The following ADGRL1 variants were observed in gnomAD, a reference collection of about 807,000 sequenced individuals.
The protein encoded by ADGRL1 is adhesion G protein-coupled receptor L1.
In ADGRL1, 31 loss-of-function variants were observed where a neutral mutation model predicts 148.9. That is an observed-to-expected ratio of 0.21 (90% CI 0.16 to 0.28). The LOEUF is 0.28. Ranked by LOEUF, ADGRL1 falls within the 10% of genes least tolerant of loss-of-function variation. ADGRL1 has a pLI of 1.00. For missense variants in ADGRL1, 1,521 were observed against 2,058.8 expected (o/e 0.74, Z 5.05); for synonymous variants, 937 against 900.3 (o/e 1.04, Z -0.73).
Position 14,162,855 on chromosome 19 carries a change from C to A in ADGRL1, c.946G>T (p.Val316Leu). The change falls in exon 5 of 23, where the codon GTG (valine) becomes TTG (leucine). Residue 316 changes from valine to leucine, a missense_variant. By Grantham distance (32) the Val-to-Leu change is conservative. This residue lies in a region of ADGRL1 where 334 missense variants were observed against 512.5 expected (regional missense o/e 0.65). Coordinates refer to ENST00000361434, the MANE Select transcript of ADGRL1 (RefSeq NM_014921.5). This position sits in a 1 kb window ranked among gnomAD's most constrained non-coding sequence, Gnocchi z 5.4. ...CGCAGGACGTACAGGACCCCACACA[C>A]CATGAAGGCGTTGGATGCCGAGCGC... ...DKRSASNAFM[V>L]CGVLYVLRSV... 1 of 1,614,102 alleles carries A rather than the reference C, an allele frequency of 6.2e-7. No individual in the cohort carries two copies. The highest frequency in any genetic ancestry group is 8.5e-7 in the Non-Finnish European group (1 of 1,180,008).
intron 1 of ADGRL1, among the ~76,000 whole-genome samples, chr19:14,195,124 A>G (rs1972177515): frequency 6.6e-6 from 1 of 151,768 alleles, no homozygotes; most frequent in African/African-American, 2.4e-5. Context: ...GGCTCAAGCG[A>G]TCCTCCCGCC....
At chr19:14,153,396 T>C (rs1220579041) in intron 18 of ADGRL1, among the ~76,000 whole-genome samples, 1 of 149,662 alleles carries the variant, frequency 6.7e-6, no homozygotes, top group Non-Finnish European at 1.5e-5. Context: ...AGTGCTGACT[T>C]GGGAGCAGGT....
At chr19:14,156,565 G>C (rs1174428884) in intron 16 of ADGRL1, 93 bp downstream of exon 16, 5 of 813,184 alleles carry the variant, frequency 6.1e-6, no homozygotes, top group Non-Finnish European at 9.9e-6. Flanking sequence ...GTGTGTGTGT[G>C]TGGGGGGGGT....
At chr19:14,170,872 G>A (rs1970413030) in intron 3 of ADGRL1, 81 bp from the exon 4 acceptor site, 1 of 747,432 alleles carries the variant, frequency 1.3e-6, no homozygotes, top group Admixed American at 2.1e-5. Context: ...CAGGGTCATG[G>A]TGTCATAGAC....
At chr19:14,166,952 A>ATT in intron 4 of ADGRL1, 1 of 1,559,662 alleles carries the variant, frequency 6.4e-7, no homozygotes, top group Middle Eastern at 1.7e-4. Context: ...GGCAGGTCAC[A>ATT]TAAGTATGGT....
At chr19:14,180,463 C>G (rs888835954) in intron 2 of ADGRL1, among the ~76,000 whole-genome samples, 7 of 151,932 alleles carry the variant, frequency 4.6e-5, no homozygotes, top group African/African-American at 1.7e-4. Flanking sequence ...GCCATGTTGG[C>G]CAGGCTGGTC....
At chr19:14,199,179 AC>A (rs1380035726) in intron 1 of ADGRL1, among the ~76,000 whole-genome samples, 2 of 152,190 alleles carry the variant, frequency 1.3e-5, no homozygotes, top group Non-Finnish European at 2.9e-5. Context: ...ACGACAGGAC[AC>A]CCACGTCACT....
At chr19:14,183,324 G>C (rs907087529) in intron 2 of ADGRL1, among the ~76,000 whole-genome samples, 1 of 152,120 alleles carries the variant, frequency 6.6e-6, no homozygotes, top group African/African-American at 2.4e-5. Context: ...CGACTTGTTG[G>C]AGGTAAGAGG....
intron 1 of ADGRL1, among the ~76,000 whole-genome samples, chr19:14,190,498 G>A (rs1027570816): frequency 1.3e-5 from 2 of 151,600 alleles, no homozygotes; most frequent in Admixed American, 6.6e-5. Context: ...CACTCCTGGC[G>A]TCAAGCGATG....
Position 14,156,671 on chromosome 19 carries a change from G to A in ADGRL1, c.3020C>T (p.Ser1007Phe). Residue 1007 changes from serine (S) to phenylalanine (F), a missense_variant, in exon 16 of 23, where the codon TCC becomes TTC. Physicochemically the swap from Ser to Phe is radical, Grantham distance 155 (BLOSUM62 -2). Around this residue, in one of 8 missense-constraint regions of ADGRL1, gnomAD observed 185 missense variants for 251.7 expected, o/e 0.74. Transcript: ENST00000361434. ...CTCCCAACTCACCACGATAACGAAGGAGACTGGCCCGATGAAACTCCAGAT... is the reference window on the plus strand; with the variant it reads ...CTCCCAACTCACCACGATAACGAAGAAGACTGGCCCGATGAAACTCCAGAT... ...YFIWSFIGPV[S>F]FVIVVNLVFL... The A allele has an allele frequency of 6.2e-7, 1 of 1,611,616 alleles. No homozygotes were observed. The highest frequency in any genetic ancestry group is 8.5e-7 in the Non-Finnish European group (1 of 1,179,106).
rs770341186 is a variant in ADGRL1, at chr19:14,163,199, C to A, written c.602G>T (p.Arg201Leu). 6.2e-7 allele frequency: 1 copy of A among 1,614,044 alleles called. No individual in the cohort carries two copies. The highest frequency in any genetic ancestry group is 8.5e-7 in the Non-Finnish European group (1 of 1,180,028). Residue 201 changes from arginine (R) to leucine (L), a missense_variant, in exon 5 of 23, where the codon CGC (arginine) becomes CTC (leucine). Arg to Leu is a moderately radical substitution (Grantham distance 102). This residue lies in a region of ADGRL1 where 334 missense variants were observed against 512.5 expected (regional missense o/e 0.65). Coordinates refer to ENST00000361434, the MANE Select transcript of ADGRL1 (RefSeq NM_014921.5). ...TGTGCCATCCACGCGGTTGGGCAGG[C>A]GGTAGGTGGTGGTGTGGCGGGCGGC... ...YVAARHTTTY[R>L]LPNRVDGTGF...
intron 2 of ADGRL1, 46 bp from the exon 3 acceptor site, chr19:14,177,790 GA>G: frequency 6.4e-7 from 1 of 1,556,028 alleles, no homozygotes. Context: ...CCTGGGCCAG[GA>G]AGGGAAGACC....
rs1200593539 is a variant in ADGRL1, at chr19:14,159,319, T to C, written c.2023+82A>G. On this transcript the variant is annotated intron_variant, in intron 10 of 22. Transcript: ENST00000361434. The surrounding 1 kb of genome is among the most constrained non-coding windows in gnomAD (Gnocchi z 6.0). ...TCTGGCAAGATGCCCAAGGGTCGGA[T>C]AGCCCCCCTGTGGCCTCCAGGCCAG... The C allele has an allele frequency of 7.6e-6, 12 of 1,573,110 alleles. No individual in the cohort carries two copies. The highest frequency in any genetic ancestry group is 2.4e-5 in the South Asian group (2 of 84,946).
At chr19:14,185,484 G>A (rs1394672329) in intron 1 of ADGRL1, among the ~76,000 whole-genome samples, 1 of 152,050 alleles carries the variant, frequency 6.6e-6, no homozygotes, top group Non-Finnish European at 1.5e-5. Flanking sequence ...TATAGAGACA[G>A]GATCTTGCTA....
Position 14,157,008 on chromosome 19 carries a change from G to T in ADGRL1, c.2883C>A (p.Tyr961Ter). The change falls in exon 15 of 23, where the codon TAC becomes TAA. Residue 961 changes from tyrosine to a stop codon, truncating the protein, a stop_gained. Transcript: ENST00000361434. LOFTEE classifies it high-confidence loss of function. The surrounding 1 kb of genome is among the most constrained non-coding windows in gnomAD (Gnocchi z 7.5). Reference protein sequence around the residue: ...FESEYSRTKYYYLGGYCFPAL... With the variant: ...FESEYSRTKY Reference sequence around the variant, plus strand: ...CCGGGAAGCAGTAGCCACCCAGGTAGTAGTACTTGGTGCGGGAATACTCGC... The same window carrying T: ...CCGGGAAGCAGTAGCCACCCAGGTATTAGTACTTGGTGCGGGAATACTCGC... 6.2e-7 allele frequency: 1 copy of T among 1,614,012 alleles called. No individual in the cohort carries two copies. Among genetic ancestry groups the T allele is most frequent in the Non-Finnish European group, 8.5e-7 (1 of 1,179,976 alleles).
chr19:14,157,936 C>G lies in ADGRL1; in HGVS notation c.2481G>C (p.Thr827=), dbSNP rs760053177. 6.2e-7 allele frequency: 1 copy of G among 1,614,214 alleles called. No individual in the cohort carries two copies. Residue 827 remains threonine, a synonymous_variant, in exon 13 of 23, where the codon ACG becomes ACC. Transcript: ENST00000361434. This position sits in a 1 kb window ranked among gnomAD's most constrained non-coding sequence, Gnocchi z 7.5. ...AGTTGGTGAGGTGGCTGCAGGCACA[C>G]GTGGTATGGGTCTTGTTGGACTCCA... ...RLVESNKTHT[T]CACSHLTNFA... is the part of the protein sequence containing the mutation.
rs751717819 is a variant in ADGRL1 at position 14,163,341 on chromosome 19, G to T, written c.460C>A (p.Gln154Lys). 1.2e-6 allele frequency: 2 copies of T among 1,609,776 alleles called. No homozygotes were observed. Among genetic ancestry groups the T allele is most frequent in the South Asian group, 2.2e-5 (2 of 90,706 alleles). Reference protein sequence around the residue: ...EPTSTHESEHQSGAWCKDPLQ... With the variant: ...EPTSTHESEHKSGAWCKDPLQ... The stretch of plus-strand genomic sequence containing the variant: ...GGGTCCTTGCACCATGCGCCAGACT[G>T]GTGCTCTGACTCGTGTGTCGAGGTG... Residue 154 changes from glutamine to lysine, a missense_variant, in exon 5 of 23, where the codon CAG becomes AAG. By Grantham distance (53) the Gln-to-Lys change is moderately conservative (BLOSUM62 1). Coordinates refer to ENST00000361434, the MANE Select transcript of ADGRL1 (RefSeq NM_014921.5).
chr19:14,203,008 ATGTT>A lies in ADGRL1; in HGVS notation c.-96+2973_-96+2976del, dbSNP rs1352656236. On this transcript the variant is annotated intron_variant, in intron 1 of 22. Transcript: ENST00000361434. ...TTCTGGGGACACCGGGACCCCCTCCATGTTTCTACTTGGCCTCCCACCTCACTCC... is the reference window on the plus strand; with the variant it reads ...TTCTGGGGACACCGGGACCCCCTCCATCTACTTGGCCTCCCACCTCACTCC... 1.7e-4 allele frequency among the ~76,000 whole-genome samples: 26 copies of A among 152,112 alleles called. No homozygotes were observed. The East Asian group carries it at 4.6e-3, about 27-fold the overall frequency.
intron 3 of ADGRL1, among the ~76,000 whole-genome samples, chr19:14,177,209 A>G (rs1289321045): frequency 2.0e-5 from 3 of 151,614 alleles, no homozygotes; most frequent in Non-Finnish European, 4.4e-5. Flanking sequence ...GCCTGGTAAC[A>G]GAGTAAGACT....
Sources: allele counts gnomAD v4.1 joint callset (sites outside exome capture counted in the v4.1 genomes callset), GRCh38; gene constraint gnomAD v4.1.1; regional missense constraint gnomAD v4.1.1; non-coding constraint Gnocchi (gnomAD v3.1); transcripts MANE v1.5; gene names NCBI Gene and HGNC (gene_info 2026-07-23, HGNC 2026-07-21).